Variants in SCARA3 observed in about 807,000 individuals in gnomAD.
The protein encoded by SCARA3 is scavenger receptor class A member 3, also known as cellular stress response gene protein.
SCARA3 carries 39 observed loss-of-function variants against 47.0 expected under a neutral mutation model. That is an observed-to-expected ratio of 0.83 (90% CI 0.64 to 1.08). SCARA3 has a LOEUF of 1.08. SCARA3 is among the 50% of genes least tolerant of loss of function. SCARA3 has a pLI of 0.00. For synonymous variants in SCARA3, 356 were observed against 334.1 expected (o/e 1.07, Z -0.71); for missense variants, 724 against 792.3 (o/e 0.91, Z 1.04).
the SCARA3 span, among the ~76,000 whole-genome samples, chr8:27,699,633 C>A: frequency 1.3e-5 from 2 of 152,062 alleles, no homozygotes; most frequent in Admixed American, 1.3e-4. Flanking sequence ...TACATAATAT[C>A]CAGACGTTCT....
intron 1 of SCARA3, among the ~76,000 whole-genome samples, chr8:27,635,013 C>A (rs1317505967): frequency 4.6e-5 from 7 of 152,200 alleles, no homozygotes; most frequent in Non-Finnish European, 8.8e-5. Flanking sequence ...TTTCGGGTGT[C>A]TTTCAGTAAT....
Position 27,658,836 on chromosome 8 carries a change from G to C in SCARA3, c.666G>C (p.Gln222His). Residue 222 changes from glutamine (Q) to histidine (H), a missense_variant, in exon 5 of 6, where the codon CAG (glutamine) becomes CAC (histidine). Coordinates refer to ENST00000301904, the MANE Select transcript of SCARA3 (RefSeq NM_016240.3). ...ECYDVKAAVH[Q>H]INFTVGQTSE... ...ACGATGTCAAGGCTGCAGTGCACCAGATCAACTTCACCGTGGGGCAGACTT... is the reference window on the plus strand; with the variant it reads ...ACGATGTCAAGGCTGCAGTGCACCACATCAACTTCACCGTGGGGCAGACTT... 6.2e-7 allele frequency: 1 copy of C among 1,614,188 alleles called. No individual in the cohort carries two copies. Among genetic ancestry groups the C allele is most frequent in the East Asian group, 2.2e-5 (1 of 44,864 alleles).
chr8:27,701,400 T>G, the SCARA3 span: 1 of 152,170 alleles, frequency 6.6e-6, no homozygotes, highest in African/African-American at 2.4e-5. Context: ...TTGAAGTGTA[T>G]GCATTGTATT....
At chr8:27,656,992 A>C in intron 4 of SCARA3, 112 bp downstream of exon 4, 1 of 716,232 alleles carries the variant, frequency 1.4e-6, no homozygotes, top group South Asian at 1.6e-5. Context: ...CCTTCTAGGC[A>C]CAGAGGCTAT....
Position 27,658,902 on chromosome 8 carries a change from G to A in SCARA3, c.732G>A (p.Glu244=), listed in dbSNP as rs769758933. 6.2e-7 allele frequency: 1 copy of A among 1,614,142 alleles called. No individual in the cohort carries two copies. ...GGATCCAGCGGAAGACAGACGAGGAGACCCTGACCCTCCAGAAGATTGTCA... is the reference window on the plus strand; with the variant it reads ...GGATCCAGCGGAAGACAGACGAGGAAACCCTGACCCTCCAGAAGATTGTCA... ...IHGIQRKTDE[E]TLTLQKIVTD... The change falls in exon 5 of 6, where the codon GAG becomes GAA. Residue 244 remains glutamate, a synonymous_variant. Coordinates refer to ENST00000301904, the MANE Select transcript of SCARA3 (RefSeq NM_016240.3).
At chr8:27,660,661 G>C (rs1293785879) in intron 5 of SCARA3, among the ~76,000 whole-genome samples, 3 of 64,798 alleles carry the variant, frequency 4.6e-5, no homozygotes, top group African/African-American at 1.3e-4. Context: ...GATAGATCTA[G>C]AGAAACAGAA....
the SCARA3 span, among the ~76,000 whole-genome samples, chr8:27,718,420 G>A: frequency 3.3e-5 from 5 of 152,266 alleles, no homozygotes; most frequent in Non-Finnish European, 7.3e-5. Context: ...TAGGCCAGCA[G>A]TGAAGACCCT....
chr8:27,698,379 G>A, the SCARA3 span, among the ~76,000 whole-genome samples: 1 of 152,196 alleles, frequency 6.6e-6, no homozygotes, highest in African/African-American at 2.4e-5. Context: ...AATGTGTCAA[G>A]TTGATATGAC....
chr8:27,677,814 C>T (rs1257506784), downstream of SCARA3, among the ~76,000 whole-genome samples: 1 of 152,140 alleles, frequency 6.6e-6, no homozygotes, highest in Non-Finnish European at 1.5e-5. Flanking sequence ...AAACAAGCCT[C>T]AACAAATGTA....
intron 5 of SCARA3, among the ~76,000 whole-genome samples, chr8:27,665,868 G>C (rs1341623657): frequency 6.6e-6 from 1 of 152,162 alleles, no homozygotes; most frequent in East Asian, 1.9e-4. Context: ...GTTACTCATC[G>C]AGGACCCGGC....
chr8:27,634,189 G>A lies in SCARA3; in HGVS notation c.-12G>A. 7.0e-7 allele frequency: 1 copy of A among 1,425,584 alleles called. No individual in the cohort carries two copies. The highest frequency in any genetic ancestry group is 9.1e-7 in the Non-Finnish European group (1 of 1,094,846). The allele number at this position is 1,425,584 out of a possible 1,614,324, so 88.3% of individuals were successfully genotyped here. On this transcript the variant is annotated 5_prime_UTR_variant, in exon 1 of 6. Transcript: ENST00000301904. Reference sequence around the variant, plus strand: ...GCAGCGGGGCCCTCCTGAGGCCCCAGAGGAAGAGACCATGAAAGGTAAGGG... The same window carrying A: ...GCAGCGGGGCCCTCCTGAGGCCCCAAAGGAAGAGACCATGAAAGGTAAGGG...
chr8:27,675,076 C>G (rs1802246734), downstream of SCARA3, among the ~76,000 whole-genome samples: 1 of 152,146 alleles, frequency 6.6e-6, no homozygotes, highest in Admixed American at 6.5e-5. Context: ...AGCCACAGAC[C>G]TGGCTCATGT....
At chr8:27,653,570 C>CGTGTGTGTGTGTATGTGTGT (rs1801679220) in intron 3 of SCARA3, among the ~76,000 whole-genome samples, 1 of 145,102 alleles carries the variant, frequency 6.9e-6, no homozygotes, top group African/African-American at 2.5e-5. Context: ...ATTTGTAAAG[C>CGTGTGTGTGTGTATGTGTGT]GTGTGTGTGT....
At chr8:27,637,447 C>T (rs971273131) in intron 1 of SCARA3, among the ~76,000 whole-genome samples, 1 of 152,176 alleles carries the variant, frequency 6.6e-6, no homozygotes, top group Non-Finnish European at 1.5e-5. Context: ...GCTGGTGCAC[C>T]GTGAAGACTG....
chr8:27,716,862 G>A, the SCARA3 span, among the ~76,000 whole-genome samples: 4 of 152,174 alleles, frequency 2.6e-5, no homozygotes, highest in East Asian at 1.9e-4. Flanking sequence ...TGATTAAAAC[G>A]AACACCGCCA....
At chr8:27,680,938 A>AT (rs1802346166), downstream of SCARA3, among the ~76,000 whole-genome samples, 1 of 152,242 alleles carries the variant, frequency 6.6e-6, no homozygotes. Flanking sequence ...AATTGTTAAA[A>AT]TTTAACATTT....
chr8:27,733,015 G>A, the SCARA3 span, among the ~76,000 whole-genome samples: 1 of 152,214 alleles, frequency 6.6e-6, no homozygotes, highest in Non-Finnish European at 1.5e-5. Flanking sequence ...ATTTCAGGCA[G>A]ACCCCCAGGA....
chr8:27,651,041 A>G (rs1053243149), intron 2 of SCARA3, among the ~76,000 whole-genome samples: 8 of 152,096 alleles, frequency 5.3e-5, no homozygotes, highest in African/African-American at 1.7e-4. Context: ...CAGTTTTAAA[A>G]CCCAGACAAT....
intron 1 of SCARA3, among the ~76,000 whole-genome samples, chr8:27,636,098 C>T (rs1801243934): frequency 6.6e-6 from 1 of 152,250 alleles, no homozygotes; most frequent in Non-Finnish European, 1.5e-5. Context: ...GCCCCAAGTC[C>T]TGCTCCTCAC....
Sources: allele counts gnomAD v4.1 joint callset (sites outside exome capture counted in the v4.1 genomes callset), GRCh38; gene constraint gnomAD v4.1.1; transcripts MANE v1.5; gene names NCBI Gene and HGNC (gene_info 2026-07-23, HGNC 2026-07-21).